RHOA: variants seen among roughly 807,000 people sequenced by gnomAD.
RHOA encodes the protein transforming protein RhoA.
In RHOA, 3 loss-of-function variants were observed where a neutral mutation model predicts 17.5. The observed-to-expected ratio is 0.17, with a 90% CI of 0.08 to 0.44. RHOA has a LOEUF of 0.44. Among genes scored for constraint, RHOA ranks in the 20% least tolerant of loss-of-function variants. The pLI is 0.99. For synonymous variants in RHOA, 98 were observed against 88.4 expected (o/e 1.11, Z -0.61); for missense variants, 56 against 242.3 (o/e 0.23, Z 5.10).
chr3:49,410,000 C>T (rs931483485), intron 1 of RHOA, among the ~76,000 whole-genome samples: 1 of 152,144 alleles, frequency 6.6e-6, no homozygotes, highest in African/African-American at 2.4e-5. Context: ...CAGGGACCCT[C>T]GTACATTCAT....
At chr3:49,367,892 T>C (rs910088767) in intron 3 of RHOA, among the ~76,000 whole-genome samples, 1 of 151,770 alleles carries the variant, frequency 6.6e-6, no homozygotes, top group African/African-American at 2.4e-5. Flanking sequence ...TAACATTTAA[T>C]ATTATTTAGT....
At chr3:49,371,604 G>A (rs1161254886) in intron 2 of RHOA, among the ~76,000 whole-genome samples, 1 of 152,102 alleles carries the variant, frequency 6.6e-6, no homozygotes, top group Non-Finnish European at 1.5e-5. Context: ...ACTGTTAAAT[G>A]AATATTCCTA....
intron 1 of RHOA, among the ~76,000 whole-genome samples, chr3:49,390,620 A>G (rs2048484555): frequency 6.6e-6 from 1 of 152,160 alleles, no homozygotes; most frequent in Non-Finnish European, 1.5e-5. Context: ...TGAACCAGTC[A>G]ACATGTAAAA....
At chr3:49,379,676 G>A (rs2048286115) in intron 1 of RHOA, among the ~76,000 whole-genome samples, 1 of 151,976 alleles carries the variant, frequency 6.6e-6, no homozygotes, top group African/African-American at 2.4e-5. Context: ...CACCACACCC[G>A]GCTAATTTTT....
chr3:49,362,432 C>T (rs201420764), intron 4 of RHOA, 64 bp downstream of exon 4: 289 of 1,497,548 alleles, frequency 1.9e-4, no homozygotes, highest in Admixed American at 1.2e-3. Flanking sequence ...CTGGGCTCCC[C>T]AAACCTCCAA....
intron 1 of RHOA, among the ~76,000 whole-genome samples, chr3:49,390,008 G>T (rs538093852): frequency 6.6e-6 from 1 of 151,478 alleles, no homozygotes; most frequent in Non-Finnish European, 1.5e-5. Flanking sequence ...TACACATACT[G>T]ATTTAGAAGA....
intron 1 of RHOA, among the ~76,000 whole-genome samples, chr3:49,383,222 A>G (rs2048345390): frequency 6.6e-6 from 1 of 151,940 alleles, no homozygotes; most frequent in South Asian, 2.1e-4. Context: ...TCACGAGGTC[A>G]GGAGATCGAG....
chr3:49,392,517 A>T (rs1438128871), intron 1 of RHOA, among the ~76,000 whole-genome samples: 4 of 152,184 alleles, frequency 2.6e-5, no homozygotes, highest in African/African-American at 7.2e-5. Context: ...TAAAAATTTT[A>T]AAGTATTGAA....
intron 1 of RHOA, among the ~76,000 whole-genome samples, chr3:49,395,212 C>T (rs556230406): frequency 1.0e-3 from 157 of 150,188 alleles, no homozygotes; most frequent in Non-Finnish European, 1.9e-3. Context: ...GATCGCACCA[C>T]GGCACTCCAG....
At chr3:49,368,693 A>ATT in intron 2 of RHOA, 145 bp from the exon 3 acceptor site, 1 of 764,202 alleles carries the variant, frequency 1.3e-6, no homozygotes. Context: ...GAGTATTTAC[A>ATT]TTTTTTCTTT....
chr3:49,362,488 G>A lies in RHOA; in HGVS notation c.408+8C>T, dbSNP rs1319482679. The A allele has an allele frequency of 6.2e-7, 1 of 1,608,136 alleles. No homozygotes were observed. The highest frequency in any genetic ancestry group is 8.5e-7 in the Non-Finnish European group (1 of 1,176,756). On this transcript the variant is annotated splice_region_variant and intron_variant, in intron 4 of 4. Coordinates refer to ENST00000418115, the MANE Select transcript of RHOA (RefSeq NM_001664.4). Reference sequence around the variant, plus strand: ...AATACTACAAGACAGTCCTGCCCCAGATCATGCCTGCTTCATCTTGGCTAG... The same window carrying A: ...AATACTACAAGACAGTCCTGCCCCAAATCATGCCTGCTTCATCTTGGCTAG...
rs866549981 is a variant in RHOA at position 49,369,037 on chromosome 3, T to G, written c.157-489A>C. 1.7e-3 allele frequency among the ~76,000 whole-genome samples: 161 copies of G among 94,868 alleles called. 2 individuals are homozygous for G. The highest frequency in any genetic ancestry group is 4.9e-3 in the African/African-American group (115 of 23,576). The allele number at this position is 94,868 out of a possible 152,430, so 62.2% of individuals were successfully genotyped here. On this transcript the variant is annotated intron_variant, in intron 2 of 4. Transcript: ENST00000418115. ...TTTTTTTTTTTTTTTTTTTTTTTTT[T>G]TTGTTGAGACGGAGTCTTACTCTGT...
At chr3:49,388,516 T>C (rs2048439670) in intron 1 of RHOA, among the ~76,000 whole-genome samples, 1 of 152,210 alleles carries the variant, frequency 6.6e-6, no homozygotes, top group Non-Finnish European at 1.5e-5. Flanking sequence ...GTGTCCATCA[T>C]ATGTTCTTCA....
At chr3:49,373,923 A>C (rs868286859) in intron 2 of RHOA, among the ~76,000 whole-genome samples, 14 of 151,974 alleles carry the variant, frequency 9.2e-5, no homozygotes, top group South Asian at 2.1e-4. Context: ...ACCCAAAAAA[A>C]CCCTCCAATT....
At chr3:49,383,572 C>G (rs1392978535) in intron 1 of RHOA, among the ~76,000 whole-genome samples, 2 of 152,152 alleles carry the variant, frequency 1.3e-5, no homozygotes, top group Non-Finnish European at 2.9e-5. Flanking sequence ...CCCTCTCCAG[C>G]CCCACCTTCC....
intron 1 of RHOA, among the ~76,000 whole-genome samples, chr3:49,408,887 G>A (rs2048884285): frequency 1.3e-5 from 2 of 151,804 alleles, no homozygotes; most frequent in Non-Finnish European, 2.9e-5. Flanking sequence ...CCGCCTCTCG[G>A]GTTCACGCCA....
chr3:49,387,117 CAAAAAAAAAAAAAAAAAAAAAAAAAA>C (rs56262356), intron 1 of RHOA, among the ~76,000 whole-genome samples: 18 of 24,642 alleles, frequency 7.3e-4, no homozygotes, highest in Admixed American at 3.2e-3. Flanking sequence ...AACTCCGTCT[CAAAAAAAAAAAAAAAAAAAAAAAAAA>C]AAAAAAAAAA....
chr3:49,384,559 T>C (rs949980951), intron 1 of RHOA, among the ~76,000 whole-genome samples: 1 of 151,666 alleles, frequency 6.6e-6, no homozygotes, highest in Non-Finnish European at 1.5e-5. Context: ...CAGGCTGGAG[T>C]GAGGTGGTGT....
At chr3:49,376,248 T>C (rs1028689798) in intron 1 of RHOA, among the ~76,000 whole-genome samples, 5 of 152,160 alleles carry the variant, frequency 3.3e-5, no homozygotes. Flanking sequence ...AGTAAAACTA[T>C]CTCAATTCAC....
Sources: gnomAD v4.1 joint callset for allele counts (sites outside exome capture counted in the v4.1 genomes callset) on GRCh38, gnomAD v4.1.1 for gene constraint, MANE v1.5 for transcripts, NCBI Gene and HGNC (gene_info 2026-07-23, HGNC 2026-07-21) for gene names.